The following FHIT variants were observed in gnomAD, a reference collection of about 807,000 sequenced individuals.
FHIT encodes the protein bis(5'-adenosyl)-triphosphatase.
In FHIT, 19 loss-of-function variants were observed where a neutral mutation model predicts 17.9. That is an observed-to-expected ratio of 1.06 (90% CI 0.74 to 1.56). The LOEUF is 1.56. FHIT is among the 40% of genes most tolerant of loss of function. The probability of loss-of-function intolerance (pLI) is 0.00; values close to 1 mark genes in which losing one functional copy is unlikely to be tolerated. For synonymous variants in FHIT, 81 were observed against 69.7 expected, an observed-to-expected ratio of 1.16 and a Z score of -0.81; for missense variants, 248 against 189.2, an observed-to-expected ratio of 1.31 and a Z score of -1.82.
intron 8 of FHIT, 58 bp from the exon 9 acceptor site, chr3:59,752,379 AAATTTCGGGGGGCTGGGGG>A (rs1042537752): frequency 1.4e-6 from 2 of 1,389,170 alleles, no homozygotes; most frequent in African/African-American, 2.9e-5. Context: ...CTCCTTGAAC[AAATTTCGGGGGGCTGGGGG>A]AGACTGAACA....
chr3:60,053,209 G>C (rs182727319), intron 5 of FHIT, among the ~76,000 whole-genome samples: 1 of 151,602 alleles, frequency 6.6e-6, no homozygotes, highest in African/African-American at 2.4e-5. Context: ...CCTCCATAGA[G>C]AGGCCTTCCC....
At chr3:60,146,278 G>C (rs1700237737) in intron 5 of FHIT, among the ~76,000 whole-genome samples, 1 of 151,320 alleles carries the variant, frequency 6.6e-6, no homozygotes, top group African/African-American at 2.4e-5. Flanking sequence ...GGGTAGGAGG[G>C]GGCTGACTTG....
intron 7 of FHIT, among the ~76,000 whole-genome samples, chr3:59,989,654 T>C (rs1709140621): frequency 6.6e-6 from 1 of 152,044 alleles, no homozygotes; most frequent in African/African-American, 2.4e-5. Context: ...TCTCATTATG[T>C]CCCTTCTACA....
intron 4 of FHIT, among the ~76,000 whole-genome samples, chr3:60,786,512 C>A (rs1231493018): frequency 1.3e-5 from 2 of 152,178 alleles, no homozygotes; most frequent in African/African-American, 4.8e-5. Context: ...TTTCACCCTA[C>A]CTGAGTCTGT....
At chr3:60,550,437 T>C (rs748742048) in intron 4 of FHIT, among the ~76,000 whole-genome samples, 3 of 152,200 alleles carry the variant, frequency 2.0e-5, no homozygotes, top group Admixed American at 6.5e-5. Context: ...GAGAATTTTT[T>C]AGTGAAGTAT....
At chr3:60,083,372 T>C (rs554603989) in intron 5 of FHIT, among the ~76,000 whole-genome samples, 3 of 152,292 alleles carry the variant, frequency 2.0e-5, no homozygotes, top group South Asian at 4.1e-4. Flanking sequence ...ATAGTACAGT[T>C]TGAAGTCAGA....
At chr3:60,000,398 T>C (rs1699682672) in intron 7 of FHIT, among the ~76,000 whole-genome samples, 2 of 152,224 alleles carry the variant, frequency 1.3e-5, no homozygotes, top group South Asian at 2.1e-4. Context: ...TCATATATTC[T>C]ATGGCTTCTT....
chr3:60,317,194 CCT>C (rs1491369927), intron 5 of FHIT, among the ~76,000 whole-genome samples: 1 of 131,296 alleles, frequency 7.6e-6, no homozygotes, highest in African/African-American at 3.1e-5. Context: ...AGTTCATATT[CCT>C]TTTTTTTCTT....
chr3:60,688,798 T>C (rs964711704), intron 4 of FHIT, among the ~76,000 whole-genome samples: 3 of 152,312 alleles, frequency 2.0e-5, no homozygotes, highest in African/African-American at 7.2e-5. Flanking sequence ...TTGCCGTAAA[T>C]GATATGTTTG....
chr3:59,837,920 T>C (rs1701395564), intron 8 of FHIT, among the ~76,000 whole-genome samples: 1 of 152,084 alleles, frequency 6.6e-6, no homozygotes, highest in Admixed American at 6.5e-5. Context: ...TCAGACAGCC[T>C]TTGTAAAGAG....
intron 7 of FHIT, among the ~76,000 whole-genome samples, chr3:59,927,760 C>A (rs2107214971): frequency 6.6e-6 from 1 of 151,448 alleles, no homozygotes; most frequent in East Asian, 2.0e-4. Context: ...CAGAGCAAGA[C>A]TCTGTCTCAA....
chr3:59,863,570 G>C (rs1702500530), intron 8 of FHIT, among the ~76,000 whole-genome samples: 1 of 152,142 alleles, frequency 6.6e-6, no homozygotes, highest in African/African-American at 2.4e-5. Context: ...CAGAGACCAT[G>C]CATGATTATT....
At chr3:59,977,554 T>G (rs1708468947) in intron 7 of FHIT, among the ~76,000 whole-genome samples, 2 of 152,152 alleles carry the variant, frequency 1.3e-5, no homozygotes, top group Non-Finnish European at 2.9e-5. Context: ...TCACACACAA[T>G]GACAGGAATC....
At chr3:60,679,088 G>A (rs1020151259) in intron 4 of FHIT, among the ~76,000 whole-genome samples, 2 of 152,030 alleles carry the variant, frequency 1.3e-5, no homozygotes, top group African/African-American at 4.8e-5. Context: ...ACTGTGCTAG[G>A]CTTCTTTTCA....
intron 5 of FHIT, among the ~76,000 whole-genome samples, chr3:60,515,576 TAAA>T (rs67857835): frequency 4.2e-5 from 6 of 144,104 alleles, no homozygotes; most frequent in Non-Finnish European, 3.0e-5. Flanking sequence ...GGCTTTAATT[TAAA>T]AAAAAAAAAA....
chr3:59,772,852 G>A (rs1013782049), intron 8 of FHIT, among the ~76,000 whole-genome samples: 7 of 152,104 alleles, frequency 4.6e-5, no homozygotes, highest in African/African-American at 9.7e-5. Context: ...AGCGAATATC[G>A]AGGGAGAAAA....
At chr3:61,011,583 A>G (rs1394601584) in intron 3 of FHIT, among the ~76,000 whole-genome samples, 1 of 152,140 alleles carries the variant, frequency 6.6e-6, no homozygotes, top group Non-Finnish European at 1.5e-5. Flanking sequence ...ACTGGAGTTC[A>G]TGGAATCAGA....
At chr3:59,961,204 C>T (rs3821477) in intron 7 of FHIT, among the ~76,000 whole-genome samples, 134,191 of 152,038 alleles carry the variant, frequency 0.88, 59,668 homozygotes, top group East Asian at 0.94. Flanking sequence ...TACTGCTTGA[C>T]TGATTCATAG....
Position 61,207,839 on chromosome 3 carries a change from A to G in FHIT, c.-212-7174T>C, listed in dbSNP as rs535948213. 2.0e-4 allele frequency among the ~76,000 whole-genome samples: 30 copies of G among 151,810 alleles called. No individual in the cohort carries two copies. In the East Asian group the frequency reaches 2.5e-3, roughly 13 times the overall value. On this transcript the variant is annotated intron_variant, in intron 1 of 9. Transcript: ENST00000492590. ...TTCCTTCAGTTCTGCTCTGATTTTC[A>G]TTATTTCTTGCCTTCTGCTAGTGTT...
Sources: gnomAD v4.1 joint callset for allele counts (sites outside exome capture counted in the v4.1 genomes callset) on GRCh38, gnomAD v4.1.1 for gene constraint, MANE v1.5 for transcripts, NCBI Gene and HGNC (gene_info 2026-07-23, HGNC 2026-07-21) for gene names.